NEURL1: variants seen among roughly 807,000 people sequenced by gnomAD.
The protein encoded by NEURL1 is E3 ubiquitin-protein ligase NEURL1.
NEURL1 carries 26 observed loss-of-function variants against 41.2 expected under a neutral mutation model. The ratio of observed to expected loss-of-function variants is 0.63; its 90% CI spans 0.46 to 0.87. NEURL1 has a LOEUF of 0.87. NEURL1 is among the 40% of genes least tolerant of loss of function. The pLI is 0.00. For missense variants in NEURL1, 761 were observed against 871.1 expected, an observed-to-expected ratio of 0.87 and a Z score of 1.59; for synonymous variants, 400 against 402.3, an observed-to-expected ratio of 0.99 and a Z score of 0.07.
chr10:103,494,181 G>C lies in NEURL1; in HGVS notation c.-207G>C, dbSNP rs1358498151. On this transcript the variant is annotated 5_prime_UTR_variant, in exon 1 of 6. Coordinates refer to ENST00000369780, the MANE Select transcript of NEURL1 (RefSeq NM_004210.5). Reference sequence around the variant, plus strand: ...GAGGCAGGTAGCCCAGCCTGCGCCAGGACACCCGTGGCGGGCGGAACCCGC... The same window carrying C: ...GAGGCAGGTAGCCCAGCCTGCGCCACGACACCCGTGGCGGGCGGAACCCGC... 1 of 495,742 alleles carries C rather than the reference G, an allele frequency of 2.0e-6. No individual in the cohort carries two copies. Among genetic ancestry groups the C allele is most frequent in the Non-Finnish European group, 3.5e-6 (1 of 282,850 alleles). The allele number at this position is 495,742 out of a possible 1,614,324, so 30.7% of individuals were successfully genotyped here.
intron 1 of NEURL1, chr10:103,515,224 T>C (rs2034174248): frequency 1.2e-5 from 1 of 85,212 alleles, no homozygotes. Context: ...CAAGACTCTG[T>C]CTCAAAAAAA....
intron 1 of NEURL1, among the ~76,000 whole-genome samples, chr10:103,567,590 T>A (rs1368073495): frequency 1.3e-5 from 2 of 151,928 alleles, no homozygotes; most frequent in Admixed American, 1.3e-4. Flanking sequence ...AGAGATGAGG[T>A]CTTGCTTTTG....
At chr10:103,553,955 T>G (rs560326179) in intron 1 of NEURL1, among the ~76,000 whole-genome samples, 3 of 152,248 alleles carry the variant, frequency 2.0e-5, no homozygotes, top group Non-Finnish European at 4.4e-5. Flanking sequence ...CCCTCAGACA[T>G]GGCCTGAGTC....
chr10:103,585,485 T>C (rs965473403), intron 4 of NEURL1, among the ~76,000 whole-genome samples: 2 of 152,066 alleles, frequency 1.3e-5, no homozygotes, highest in African/African-American at 4.8e-5. Context: ...GATCAACCCA[T>C]AGTCTCACAG....
intron 1 of NEURL1, among the ~76,000 whole-genome samples, chr10:103,503,856 T>C (rs1320395125): frequency 1.4e-5 from 2 of 141,744 alleles, no homozygotes; most frequent in African/African-American, 2.6e-5. Context: ...AGTGGCGTGA[T>C]CACAGCTCAC....
intron 1 of NEURL1, among the ~76,000 whole-genome samples, chr10:103,547,439 G>C (rs1283526015): frequency 6.6e-6 from 1 of 152,238 alleles, no homozygotes; most frequent in Non-Finnish European, 1.5e-5. Context: ...CCCAGGAGGG[G>C]TAGCAGGCAG....
intron 1 of NEURL1, among the ~76,000 whole-genome samples, chr10:103,523,185 T>C (rs1031440391): frequency 6.6e-6 from 1 of 152,172 alleles, no homozygotes; most frequent in African/African-American, 2.4e-5. Flanking sequence ...CCAGGCTTGG[T>C]GGCTCAAGCT....
intron 1 of NEURL1, chr10:103,494,822 G>T: frequency 3.7e-6 from 1 of 269,520 alleles, no homozygotes. Flanking sequence ...TCTCCAGGGA[G>T]GCACCTCGAT....
chr10:103,520,211 A>T (rs866433268), intron 1 of NEURL1, among the ~76,000 whole-genome samples: 21 of 152,232 alleles, frequency 1.4e-4, no homozygotes, highest in African/African-American at 5.1e-4. Flanking sequence ...AGTCAGTGTC[A>T]CGTACGTCCG....
chr10:103,520,654 T>C (rs1296054636), intron 1 of NEURL1, among the ~76,000 whole-genome samples: 1 of 152,130 alleles, frequency 6.6e-6, no homozygotes, highest in Admixed American at 6.6e-5. Context: ...CCTGTCTTCT[T>C]ATATTAATAA....
chr10:103,526,656 T>C (rs9419955), intron 1 of NEURL1, among the ~76,000 whole-genome samples: 73,625 of 151,588 alleles, frequency 0.49, 18,635 homozygotes, highest in African/African-American at 0.62. Context: ...GGATTACAGG[T>C]GCGTACCACC....
chr10:103,577,993 G>C (rs1024938639), intron 3 of NEURL1: 8 of 152,204 alleles, frequency 5.3e-5, no homozygotes, highest in African/African-American at 1.9e-4. Flanking sequence ...AGATTGTACT[G>C]GGGCCTTGGA....
intron 1 of NEURL1, among the ~76,000 whole-genome samples, chr10:103,538,397 C>T (rs1345661899): frequency 6.6e-6 from 1 of 152,026 alleles, no homozygotes; most frequent in Non-Finnish European, 1.5e-5. Context: ...ATGGTGAAAC[C>T]CCGTTTCTAC....
At chr10:103,562,253 C>T (rs968839058) in intron 1 of NEURL1, among the ~76,000 whole-genome samples, 12 of 152,096 alleles carry the variant, frequency 7.9e-5, no homozygotes, top group South Asian at 2.1e-4. Context: ...CGTGGTGGCT[C>T]GCGCCTGTAA....
intron 1 of NEURL1, among the ~76,000 whole-genome samples, chr10:103,553,995 C>G (rs2035090106): frequency 6.6e-6 from 1 of 152,224 alleles, no homozygotes; most frequent in South Asian, 2.1e-4. Context: ...GCTGGGTAAC[C>G]TCACGCAAGC....
At chr10:103,510,711 G>A (rs1015152807) in intron 1 of NEURL1, among the ~76,000 whole-genome samples, 2 of 152,204 alleles carry the variant, frequency 1.3e-5, no homozygotes, top group Non-Finnish European at 2.9e-5. Context: ...AAACATCTGT[G>A]TCTATATAGG....
intron 3 of NEURL1, among the ~76,000 whole-genome samples, chr10:103,574,439 GC>G (rs1410619193): frequency 6.6e-6 from 1 of 152,228 alleles, no homozygotes; most frequent in African/African-American, 2.4e-5. Context: ...GGCCTGGCTT[GC>G]CCATGTAGGG....
At chr10:103,498,343 C>T (rs1360702917) in intron 1 of NEURL1, among the ~76,000 whole-genome samples, 1 of 152,214 alleles carries the variant, frequency 6.6e-6, no homozygotes, top group Middle Eastern at 3.2e-3. Context: ...TCTCCCGCCT[C>T]AGCCTCCCGA....
chr10:103,498,516 G>T (rs371881032), intron 1 of NEURL1, among the ~76,000 whole-genome samples: 5 of 152,194 alleles, frequency 3.3e-5, no homozygotes, highest in African/African-American at 4.8e-5. Flanking sequence ...GTGAGCCACC[G>T]CGCCAGGCCC....
Sources: gnomAD v4.1 joint callset for allele counts (sites outside exome capture counted in the v4.1 genomes callset) on GRCh38, gnomAD v4.1.1 for gene constraint, MANE v1.5 for transcripts, NCBI Gene and HGNC (gene_info 2026-07-23, HGNC 2026-07-21) for gene names.